Variants in CASK observed in about 807,000 individuals in gnomAD.
CASK encodes peripheral plasma membrane protein CASK.
Under a neutral mutation model 82.9 loss-of-function variants are expected in CASK, and 4 were observed. The observed-to-expected ratio is 0.05, with a 90% CI of 0.02 to 0.11. The LOEUF (loss-of-function observed/expected upper bound fraction) is 0.11. Ranked by LOEUF, CASK falls within the 10% of genes least tolerant of loss-of-function variation. CASK has a pLI of 1.00. For missense variants in CASK, 358 were observed against 720.9 expected (o/e 0.50, Z 5.76); for synonymous variants, 259 against 253.5 (o/e 1.02, Z -0.20).
intron 6 of CASK, among the ~76,000 whole-genome samples, chrX:41,667,479 T>C (rs2067135260): frequency 1.8e-5 from 2 of 112,337 alleles, no homozygotes; most frequent in Admixed American, 9.5e-5. Flanking sequence ...TTAAATATTA[T>C]ATATTTTGAT....
At chrX:41,905,308 T>A (rs2072451688) in intron 1 of CASK, among the ~76,000 whole-genome samples, 2 of 112,339 alleles carry the variant, frequency 1.8e-5, no homozygotes, top group South Asian at 7.4e-4. Context: ...TTTGAGGAAC[T>A]GCCAGTGTGT....
intron 3 of CASK, among the ~76,000 whole-genome samples, chrX:41,752,842 C>T (rs1291979298): frequency 8.9e-6 from 1 of 111,832 alleles, no homozygotes; most frequent in Non-Finnish European, 1.9e-5. Context: ...TACACCAATA[C>T]AACTTTCTGA....
chrX:41,588,177 G>A (rs917974083), intron 13 of CASK: 3 of 112,319 alleles, frequency 2.7e-5, no homozygotes, highest in African/African-American at 9.7e-5. Context: ...TGGTTATGCT[G>A]TTAATTCATA....
intron 5 of CASK, among the ~76,000 whole-genome samples, chrX:41,693,447 C>G (rs1384870910): frequency 9.0e-6 from 1 of 110,612 alleles, no homozygotes; most frequent in Non-Finnish European, 1.9e-5. Flanking sequence ...AACCCCATCT[C>G]TACTAAAAAT....
intron 5 of CASK, among the ~76,000 whole-genome samples, chrX:41,682,545 A>G (rs1480218457): frequency 4.7e-5 from 5 of 105,773 alleles, no homozygotes; most frequent in African/African-American, 1.7e-4. Flanking sequence ...AAAAAAAAAA[A>G]AAAAAAAAAA....
At chrX:41,555,125 A>G (rs1300346928) in intron 20 of CASK, among the ~76,000 whole-genome samples, 5 of 112,639 alleles carry the variant, frequency 4.4e-5, no homozygotes, top group Non-Finnish European at 9.4e-5. Context: ...ATGTGAAGCT[A>G]AGATAATTTA....
intron 5 of CASK, among the ~76,000 whole-genome samples, chrX:41,694,066 T>C (rs1215573656): frequency 8.9e-6 from 1 of 111,991 alleles, no homozygotes; most frequent in Non-Finnish European, 1.9e-5. Context: ...TGTTTACTAA[T>C]AGGGTCTCTG....
At chrX:41,559,678 A>G in intron 18 of CASK, 101 bp downstream of exon 18, 1 of 695,618 alleles carries the variant, frequency 1.4e-6, no homozygotes, top group South Asian at 2.3e-5. Context: ...ATCTAACAGC[A>G]CAGGCAGAAA....
chrX:41,725,100 T>C (rs898469579), intron 5 of CASK, among the ~76,000 whole-genome samples: 13 of 111,752 alleles, frequency 1.2e-4, no homozygotes, highest in African/African-American at 4.2e-4. Flanking sequence ...TAGATTCAGA[T>C]ACAAACTTAC....
At chrX:41,645,297 C>T (rs2066737032) in intron 8 of CASK, among the ~76,000 whole-genome samples, 1 of 111,773 alleles carries the variant, frequency 8.9e-6, no homozygotes, top group African/African-American at 3.2e-5. Flanking sequence ...AAAGATAATA[C>T]TCTAACTGCA....
chrX:41,884,672 A>C (rs905645382), intron 1 of CASK, among the ~76,000 whole-genome samples: 3 of 111,802 alleles, frequency 2.7e-5, no homozygotes, highest in African/African-American at 9.8e-5. Flanking sequence ...ACTTCAATAG[A>C]TGTGGTTTAC....
At chrX:41,824,957 A>G (rs2070628160) in intron 2 of CASK, among the ~76,000 whole-genome samples, 1 of 111,872 alleles carries the variant, frequency 8.9e-6, no homozygotes, top group African/African-American at 3.3e-5. Flanking sequence ...AATTCCTTAT[A>G]CTAAACTTTG....
intron 1 of CASK, among the ~76,000 whole-genome samples, chrX:41,921,090 G>A (rs1278435777): frequency 9.0e-6 from 1 of 111,721 alleles, no homozygotes; most frequent in African/African-American, 3.3e-5. Context: ...TGGCTGGTCC[G>A]ACTGGGAAAC....
At position 41,840,440 on chromosome X, in the gene CASK, C is replaced by G. The variant is rs188544998; in HGVS notation, c.172+12675G>C. On this transcript the variant is annotated intron_variant, in intron 2 of 26. Coordinates refer to ENST00000378163, the MANE Select transcript of CASK (RefSeq NM_001367721.1). The stretch of plus-strand genomic sequence containing the variant: ...TGTTAACCTTGTAACCTGCAACCTG[C>G]TATAATCCCTTATTTGTTCCAGGAG... Among the ~76,000 whole-genome samples the G allele has an allele frequency of 1.3e-3, 142 of 112,286 alleles. 2 individuals carry two copies. The highest frequency in any genetic ancestry group is 4.4e-3 in the African/African-American group (137 of 30,954).
At chrX:41,575,837 T>C (rs755803157) in intron 15 of CASK, among the ~76,000 whole-genome samples, 1 of 111,567 alleles carries the variant, frequency 9.0e-6, no homozygotes, top group Admixed American at 9.5e-5. Flanking sequence ...ACATCTTCAC[T>C]AGGATCATCG....
At chrX:41,825,085 T>A (rs2070630797) in intron 2 of CASK, among the ~76,000 whole-genome samples, 1 of 111,880 alleles carries the variant, frequency 8.9e-6, no homozygotes, top group African/African-American at 3.3e-5. Flanking sequence ...TATTTTTGGG[T>A]TTTTTGTAAC....
intron 2 of CASK, among the ~76,000 whole-genome samples, chrX:41,817,241 A>C (rs937048949): frequency 2.7e-5 from 3 of 112,276 alleles, no homozygotes; most frequent in Non-Finnish European, 5.6e-5. Flanking sequence ...AAGGTCATCC[A>C]CAAAAACCTA....
chrX:41,522,311 C>T (rs1375928635), intron 26 of CASK: 2 of 111,970 alleles, frequency 1.8e-5, no homozygotes, highest in East Asian at 5.6e-4. Flanking sequence ...GGAACTCAAT[C>T]TTTTCTCTCA....
At chrX:41,750,036 ACC>A (rs1487975158) in intron 3 of CASK, among the ~76,000 whole-genome samples, 1 of 110,915 alleles carries the variant, frequency 9.0e-6, no homozygotes, top group Non-Finnish European at 1.9e-5. Flanking sequence ...AAACAAAACC[ACC>A]TGTGCAACTT....
Sources: gnomAD v4.1 joint callset for allele counts (sites outside exome capture counted in the v4.1 genomes callset) on GRCh38, gnomAD v4.1.1 for gene constraint, MANE v1.5 for transcripts, NCBI Gene and HGNC (gene_info 2026-07-23, HGNC 2026-07-21) for gene names.